Variants in NPC1 observed in about 807,000 individuals in gnomAD.
NPC1 encodes the protein NPC intracellular cholesterol transporter 1, also known as Niemann-Pick C1 protein.
NPC1 carries 85 observed loss-of-function variants against 140.4 expected under a neutral mutation model. That is an observed-to-expected ratio of 0.61 (90% CI 0.51 to 0.72). The LOEUF (loss-of-function observed/expected upper bound fraction) is 0.72. Ranked by LOEUF, NPC1 falls within the 30% of genes least tolerant of loss-of-function variation. The probability of loss-of-function intolerance (pLI) is 0.00; values close to 1 mark genes in which losing one functional copy is unlikely to be tolerated. For missense variants in NPC1, 1,504 were observed against 1,623.8 expected, an observed-to-expected ratio of 0.93 and a Z score of 1.27; for synonymous variants, 656 against 624.8, an observed-to-expected ratio of 1.05 and a Z score of -0.74.
rs34084984 is a variant in NPC1 at position 23,539,384 on chromosome 18, T to C, written c.2882A>G (p.Asn961Ser). The change falls in exon 19 of 25, where the codon AAT becomes AGT. Residue 961 changes from asparagine (N) to serine (S), a missense_variant. Physicochemically the swap from Asn to Ser is conservative, Grantham distance 46. Coordinates refer to ENST00000269228, the MANE Select transcript of NPC1 (RefSeq NM_000271.5). ...KPQSSCCRVD[N>S]ITDQFCNASV... ...AGCATTGCAGAACTGGTCAGTGATATTGTCCACTCGACAGCAAGACGACTG... is the reference window on the plus strand; with the variant it reads ...AGCATTGCAGAACTGGTCAGTGATACTGTCCACTCGACAGCAAGACGACTG... The C allele has an allele frequency of 6.1e-4, 980 of 1,613,762 alleles. 6 individuals are homozygous for C. In the African/African-American group the frequency reaches 0.011, roughly 19 times the overall value.
intron 3 of NPC1, chr18:23,516,058 T>C (rs1223104237): frequency 6.2e-7 from 1 of 1,607,844 alleles, no homozygotes; most frequent in Non-Finnish European, 8.5e-7. Flanking sequence ...TCCTGTAGCA[T>C]CCTAATGTGT....
intron 16 of NPC1, 138 bp downstream of exon 16, chr18:23,540,930 C>A: frequency 1.0e-6 from 1 of 959,952 alleles, no homozygotes; most frequent in Non-Finnish European, 1.7e-6. Flanking sequence ...TCTACTGTTC[C>A]ACATTTGCTT....
chr18:23,547,149 T>C (rs1055783325), intron 11 of NPC1, among the ~76,000 whole-genome samples: 2 of 152,136 alleles, frequency 1.3e-5, no homozygotes, highest in Non-Finnish European at 2.9e-5. Flanking sequence ...GTGAACTGCA[T>C]GATACATATA....
rs749913922 is a variant in NPC1, at chr18:23,572,112, T to C, written c.249A>G (p.Leu83=). 3.2e-5 allele frequency: 52 copies of C among 1,613,850 alleles called. No homozygotes were observed. The highest frequency in any genetic ancestry group is 4.2e-5 in the Non-Finnish European group (50 of 1,179,894). ...GTAGAGGCAGCTGCAGGTTGTCTTT[T>C]AGTGTCTGAAGCTGCCGAACATCAC... ...LCCDVRQLQT[L]KDNLQLPLQF... Residue 83 remains leucine, a synonymous_variant, in exon 3 of 25, where the codon CTA becomes CTG. Transcript: ENST00000269228.
chr18:23,544,641 T>A, intron 12 of NPC1, 115 bp from the exon 13 acceptor site: 1 of 953,346 alleles, frequency 1.0e-6, no homozygotes, highest in Non-Finnish European at 1.7e-6. Context: ...GAGTTGAATG[T>A]ACAATTCTGT....
chr18:23,559,475 C>T (rs531892610), intron 6 of NPC1, among the ~76,000 whole-genome samples: 5 of 147,856 alleles, frequency 3.4e-5, no homozygotes, highest in South Asian at 2.2e-4. Flanking sequence ...AATCTGATTT[C>T]GCTCATTTGA....
At chr18:23,583,106 C>A (rs368129621) in intron 1 of NPC1, among the ~76,000 whole-genome samples, 804 of 109,732 alleles carry the variant, frequency 7.3e-3, no homozygotes, top group Middle Eastern at 0.015. Context: ...GACCCTGTTT[C>A]AAAAAAAAAA....
intron 1 of NPC1, among the ~76,000 whole-genome samples, chr18:23,577,867 G>A (rs1234242074): frequency 1.3e-5 from 2 of 152,242 alleles, no homozygotes; most frequent in African/African-American, 2.4e-5. Flanking sequence ...TGCAGCCACT[G>A]GCCCGGGTGC....
At chr18:23,517,274 CGAG>C (rs2058033363) in intron 3 of NPC1, among the ~76,000 whole-genome samples, 1 of 151,836 alleles carries the variant, frequency 6.6e-6, no homozygotes, top group South Asian at 2.1e-4. Flanking sequence ...CTCAGCCTCC[CGAG>C]TAGCTGGGAC....
intron 1 of NPC1, 137 bp downstream of exon 1, chr18:23,586,150 A>G: frequency 1.1e-6 from 1 of 894,646 alleles, no homozygotes; most frequent in Admixed American, 2.7e-5. Context: ...AGGACAAGTG[A>G]GGAACCTCCG....
chr18:23,523,994 G>C (rs904413684), intron 1 of NPC1: 3 of 977,220 alleles, frequency 3.1e-6, no homozygotes, highest in African/African-American at 3.2e-5. Context: ...AGACGGAACA[G>C]TTCATTTCTT....
chr18:23,532,288 T>TGAGA lies in NPC1; in HGVS notation c.3755-8_3755-5dup. 6.2e-7 allele frequency: 1 copy of TGAGA among 1,614,032 alleles called. No homozygotes were observed. Among genetic ancestry groups the TGAGA allele is most frequent in the Non-Finnish European group, 8.5e-7 (1 of 1,179,962 alleles). On this transcript the variant is annotated splice_polypyrimidine_tract_variant and splice_region_variant and intron_variant, in intron 24 of 24. Coordinates refer to ENST00000269228, the MANE Select transcript of NPC1 (RefSeq NM_000271.5). ...TTGGCTTTATTTACTGATGGCCCTA[T>TGAGA]GAGAGAGAGAGACTTTTTCTTATTT...
intron 3 of NPC1, among the ~76,000 whole-genome samples, chr18:23,513,044 C>G (rs112602269): frequency 0.024 from 3,726 of 152,174 alleles, 116 homozygotes; most frequent in African/African-American, 0.086. Context: ...ACCTCTGTCT[C>G]CTGGGTTCAG....
chr18:23,525,328 G>A (rs1324371885), downstream of NPC1, among the ~76,000 whole-genome samples: 1 of 152,060 alleles, frequency 6.6e-6, no homozygotes, highest in African/African-American at 2.4e-5. Context: ...GCTTACTGCA[G>A]CCTTGAGCTC....
At chr18:23,554,371 C>T (rs571503816) in intron 9 of NPC1, among the ~76,000 whole-genome samples, 157 of 152,258 alleles carry the variant, frequency 1.0e-3, no homozygotes, top group African/African-American at 3.7e-3. Flanking sequence ...TTTGGGAGGC[C>T]GAGGTGGGCG....
At chr18:23,517,461 T>G (rs943120637), downstream of NPC1, among the ~76,000 whole-genome samples, 8 of 152,174 alleles carry the variant, frequency 5.3e-5, no homozygotes, top group South Asian at 2.1e-4. Flanking sequence ...CGGAGGTATA[T>G]TTTCATTTGA....
In NPC1 at chr18:23,543,545, T is replaced by G. The variant is rs1598952801; in HGVS notation, c.2155A>C (p.Thr719Pro). ...YQRDERLQGE[T>P]LDQQLGRVLG... ...ACCCTGCCCAGCTGCTGATCCAGGG[T>G]TTCCCCTTGAAGACGTTCATCTCTC... Residue 719 changes from threonine (T) to proline (P), a missense_variant, in exon 14 of 25, where the codon ACC becomes CCC. By Grantham distance (38) the Thr-to-Pro change is conservative. Coordinates refer to ENST00000269228, the MANE Select transcript of NPC1 (RefSeq NM_000271.5). 1 of 1,602,014 alleles carries G rather than the reference T, an allele frequency of 6.2e-7. No individual in the cohort carries two copies. The highest frequency in any genetic ancestry group is 2.2e-5 in the East Asian group (1 of 44,598).
chr18:23,577,722 G>A (rs1213353001), intron 1 of NPC1, among the ~76,000 whole-genome samples: 3 of 141,190 alleles, frequency 2.1e-5, no homozygotes, highest in Admixed American at 1.4e-4. Context: ...AGGAGGCCAC[G>A]GAGGGGGTGG....
In NPC1 at chr18:23,541,152, G is replaced by A; in HGVS notation, c.2430C>T (p.Val810=). The A allele has an allele frequency of 1.9e-6, 3 of 1,614,218 alleles. No individual in the cohort carries two copies. Among genetic ancestry groups the A allele is most frequent in the Non-Finnish European group, 2.5e-6 (3 of 1,180,050 alleles). ...CVRGAEDGTS[V]QASESCLFRF... ...GAAACAAACAGCTCTCTGAGGCCTG[G>A]ACGCTTGTTCCATCTTCAGCACCTC... is the stretch of plus-strand genomic sequence containing the variant. Residue 810 remains valine, a synonymous_variant, in exon 16 of 25, where the codon GTC becomes GTT. Transcript: ENST00000269228.
Sources: gnomAD v4.1 joint callset for allele counts (sites outside exome capture counted in the v4.1 genomes callset) on GRCh38, gnomAD v4.1.1 for gene constraint, MANE v1.5 for transcripts, NCBI Gene and HGNC (gene_info 2026-07-23, HGNC 2026-07-21) for gene names.